NXN: variants seen among roughly 807,000 people sequenced by gnomAD.
The protein encoded by NXN is nucleoredoxin, also known as nucleoredoxin 1.
A neutral mutation model predicts 48.6 loss-of-function variants in NXN; 16 were observed. The observed-to-expected ratio is 0.33, with a 90% CI of 0.22 to 0.50. NXN has a LOEUF of 0.50. Ranked by LOEUF, NXN falls within the 20% of genes least tolerant of loss-of-function variation. NXN has a pLI of 0.98. For synonymous variants in NXN, 281 were observed against 269.6 expected (o/e 1.04, Z -0.41); for missense variants, 492 against 605.5 (o/e 0.81, Z 1.97).
At chr17:945,333 C>T (rs1041226692) in intron 1 of NXN, among the ~76,000 whole-genome samples, 1 of 151,978 alleles carries the variant, frequency 6.6e-6, no homozygotes. Context: ...CCACTCGCCT[C>T]GGCGTCCTAA....
chr17:950,201 C>G (rs893637204), intron 1 of NXN, among the ~76,000 whole-genome samples: 1 of 152,164 alleles, frequency 6.6e-6, no homozygotes, highest in African/African-American at 2.4e-5. Context: ...ATCAACATCA[C>G]GGACTGCAGC....
chr17:894,800 C>G (rs1289124607), intron 1 of NXN, among the ~76,000 whole-genome samples: 1 of 152,162 alleles, frequency 6.6e-6, no homozygotes, highest in East Asian at 1.9e-4. Context: ...GCTAAACTGG[C>G]TGCTAAAATA....
chr17:924,279 C>T (rs138680649), intron 1 of NXN, among the ~76,000 whole-genome samples: 160 of 152,226 alleles, frequency 1.1e-3, no homozygotes, highest in Non-Finnish European at 1.9e-3. Context: ...TCTTATTGCC[C>T]AGGCTGGAGT....
rs968388845 is a variant in NXN at position 919,577 on chromosome 17, C to T, written c.360+59742G>A. Among the ~76,000 whole-genome samples, 2 of 152,074 alleles carry T rather than the reference C, an allele frequency of 1.3e-5. No individual in the cohort carries two copies. Among genetic ancestry groups the T allele is most frequent in the African/African-American group, 4.8e-5 (2 of 41,386 alleles). On this transcript the variant is annotated intron_variant, in intron 1 of 7. Transcript: ENST00000336868. The surrounding 1 kb of genome is among the most constrained non-coding windows in gnomAD (Gnocchi z 5.1). ...GGCTTTCTACAGCACCTCCTCGTAT[C>T]GTGGGTTACAGAACCTACGTCGTCC...
chr17:889,761 A>AAGAAAGAAAG (rs1555619043), intron 1 of NXN, among the ~76,000 whole-genome samples: 6 of 70,776 alleles, frequency 8.5e-5, no homozygotes, highest in African/African-American at 3.9e-4. Flanking sequence ...GAAAGAAAGA[A>AAGAAAGAAAG]AAAGAAAGAA....
chr17:886,768 A>G (rs1295817048), intron 1 of NXN, among the ~76,000 whole-genome samples: 5 of 130,836 alleles, frequency 3.8e-5, no homozygotes. Flanking sequence ...ACAGAGTGAG[A>G]CTCTGTCTCA....
intron 2 of NXN, among the ~76,000 whole-genome samples, chr17:824,494 C>T (rs1481101995): frequency 1.3e-5 from 2 of 152,280 alleles, no homozygotes; most frequent in South Asian, 2.1e-4. Flanking sequence ...CTCGGGGCCT[C>T]GGGAATCAAC....
intron 1 of NXN, among the ~76,000 whole-genome samples, chr17:840,169 C>T: frequency 6.6e-6 from 1 of 152,080 alleles, no homozygotes; most frequent in Non-Finnish European, 1.5e-5. Flanking sequence ...ATGATGTTCC[C>T]TGTAACCCCC....
chr17:935,772 G>A (rs1039283559), intron 1 of NXN, among the ~76,000 whole-genome samples: 4 of 151,994 alleles, frequency 2.6e-5, no homozygotes, highest in Non-Finnish European at 5.9e-5. Flanking sequence ...TAGATACCAT[G>A]CCAGCCACAT....
At chr17:837,803 G>A (rs2144693640) in intron 1 of NXN, among the ~76,000 whole-genome samples, 1 of 152,316 alleles carries the variant, frequency 6.6e-6, no homozygotes, top group East Asian at 1.9e-4. Context: ...GTCCGGGCCA[G>A]GCTGATCCGA....
At chr17:933,172 T>G (rs2068872726) in intron 1 of NXN, among the ~76,000 whole-genome samples, 2 of 151,858 alleles carry the variant, frequency 1.3e-5, no homozygotes, top group South Asian at 4.2e-4. Flanking sequence ...TACTCCAGAT[T>G]TGCAGTTACC....
rs1447022825 is a variant in NXN at position 917,206 on chromosome 17, AC to A, written c.360+62112del. ...GCCCAGGCTGGAGTGCAATGGCGCG[AC>A]CTCGGCTCGCCGTGGCCTCCGCCTC... On this transcript the variant is annotated intron_variant, in intron 1 of 7. Coordinates refer to ENST00000336868, the MANE Select transcript of NXN (RefSeq NM_022463.5). The surrounding 1 kb of genome is among the most constrained non-coding windows in gnomAD (Gnocchi z 4.5). 6.7e-6 allele frequency among the ~76,000 whole-genome samples: 1 copy of A among 150,172 alleles called. No homozygotes were observed. The highest frequency in any genetic ancestry group is 1.5e-5 in the Non-Finnish European group (1 of 67,644).
chr17:931,996 T>C (rs1465800135), intron 1 of NXN, among the ~76,000 whole-genome samples: 1 of 147,278 alleles, frequency 6.8e-6, no homozygotes, highest in East Asian at 1.9e-4. Context: ...ATACAAAAAT[T>C]AGCCAGGTGT....
At position 801,110 on chromosome 17, in the gene NXN, G is replaced by A; in HGVS notation, c.1147C>T (p.Arg383Ter). 1 of 1,551,618 alleles carries A rather than the reference G, an allele frequency of 6.4e-7. No individual in the cohort carries two copies. Among genetic ancestry groups the A allele is most frequent in the Non-Finnish European group, 8.7e-7 (1 of 1,149,318 alleles). Residue 383 changes from arginine (R) to a stop codon, truncating the protein, a stop_gained, in exon 8 of 8, where the codon CGA becomes TGA. Coordinates refer to ENST00000336868, the MANE Select transcript of NXN (RefSeq NM_022463.5). LOFTEE classifies it high-confidence loss of function. The stretch of plus-strand genomic sequence containing the variant: ...GCCTCAGGCAGGTTGGTGTAATCTC[G>A]CAGGGAGTCAGTCATGTCATCCTGA... ...AGEDDMTDSL[R>*]DYTNLPEAAP...
At chr17:803,653 C>T (rs1215173888) in intron 7 of NXN, 29 bp downstream of exon 7, 2 of 1,613,696 alleles carry the variant, frequency 1.2e-6, no homozygotes, top group Non-Finnish European at 1.7e-6. Flanking sequence ...CTGAGCCAGC[C>T]CTGGGCCAAG....
Position 849,576 on chromosome 17 carries a change from A to AC in NXN, c.361-23499dup, listed in dbSNP as rs1351607468. 7.3e-5 allele frequency among the ~76,000 whole-genome samples: 11 copies of AC among 150,950 alleles called. No individual in the cohort carries two copies. The highest frequency in any genetic ancestry group is 1.3e-4 in the Non-Finnish European group (9 of 67,836). ...TGCTAGGAGCAGGCTCCAGGAGGGC[A>AC]CCGCACTGGCCCTCTCAGCCTCAGG... On this transcript the variant is annotated intron_variant, in intron 1 of 7. Coordinates refer to ENST00000336868, the MANE Select transcript of NXN (RefSeq NM_022463.5). This position sits in a 1 kb window ranked among gnomAD's most constrained non-coding sequence, Gnocchi z 4.2.
intron 1 of NXN, among the ~76,000 whole-genome samples, chr17:916,443 C>T (rs1314968224): frequency 6.6e-6 from 1 of 151,898 alleles, no homozygotes; most frequent in African/African-American, 2.4e-5. Context: ...TCAAAGTTAC[C>T]AAACTAAAAA....
chr17:872,686 T>C (rs2068171625), intron 1 of NXN, among the ~76,000 whole-genome samples: 1 of 140,268 alleles, frequency 7.1e-6, no homozygotes. Flanking sequence ...GATGGTGCAA[T>C]CTCAGCTCAC....
intron 1 of NXN, among the ~76,000 whole-genome samples, chr17:960,327 C>A (rs574005940): frequency 3.3e-5 from 5 of 152,240 alleles, no homozygotes; most frequent in African/African-American, 1.2e-4. Context: ...GCTCTATATT[C>A]CAGCAAAAAC....
Sources: gnomAD v4.1 joint callset for allele counts (sites outside exome capture counted in the v4.1 genomes callset) on GRCh38, gnomAD v4.1.1 for gene constraint, Gnocchi (gnomAD v3.1) non-coding constraint, MANE v1.5 for transcripts, NCBI Gene and HGNC (gene_info 2026-07-23, HGNC 2026-07-21) for gene names.